Variants in METTL9 observed in about 807,000 individuals in gnomAD.
The protein encoded by METTL9 is methyltransferase 9, His-X-His N1(pi)-histidine.
Under a neutral mutation model 36.0 loss-of-function variants are expected in METTL9, and 10 were observed. That is an observed-to-expected ratio of 0.28 (90% confidence interval 0.17 to 0.47). The LOEUF is 0.47. Ranked by LOEUF, METTL9 falls within the 20% of genes least tolerant of loss-of-function variation. The pLI is 0.99. For missense variants in METTL9, 246 were observed against 383.5 expected (o/e 0.64, Z 3.00); for synonymous variants, 175 against 149.7 (o/e 1.17, Z -1.23).
chr16:21,612,764 A>C lies in METTL9; in HGVS notation c.285A>C (p.Leu95=), dbSNP rs761472396. ...LNNSIEKSGW[L]FIQLYHSFVS... Reference sequence around the variant, plus strand: ...ACAGCATTGAGAAATCGGGCTGGCTATTTATCCAATTATATCATTCTTTTG... The same window carrying C: ...ACAGCATTGAGAAATCGGGCTGGCTCTTTATCCAATTATATCATTCTTTTG... The change falls in exon 2 of 5, where the codon CTA becomes CTC. Residue 95 remains leucine (L), a synonymous_variant. Coordinates refer to ENST00000358154, the MANE Select transcript of METTL9 (RefSeq NM_016025.5). 2 of 1,613,114 alleles carry C rather than the reference A, an allele frequency of 1.2e-6. No homozygotes were observed. The highest frequency in any genetic ancestry group is 3.3e-5 in the Admixed American group (2 of 59,854).
chr16:21,600,966 A>G (rs1965108728), intron 1 of METTL9, among the ~76,000 whole-genome samples: 1 of 152,140 alleles, frequency 6.6e-6, no homozygotes, highest in African/African-American at 2.4e-5. Context: ...GAGAATTTAC[A>G]CCCAGGTTGA....
intron 4 of METTL9, among the ~76,000 whole-genome samples, chr16:21,650,872 G>T (rs1221899681): frequency 6.6e-6 from 1 of 152,162 alleles, no homozygotes; most frequent in Non-Finnish European, 1.5e-5. Context: ...CCAATGAAAA[G>T]GTTGAAGATT....
chr16:21,637,776 C>G (rs1367278791), intron 4 of METTL9, among the ~76,000 whole-genome samples: 1 of 152,252 alleles, frequency 6.6e-6, no homozygotes. Flanking sequence ...GAGAGCCAGT[C>G]CGGCCTCGGC....
Position 21,599,624 on chromosome 16 carries a change from G to T in METTL9, c.-110G>T, listed in dbSNP as rs1965045310. 7.5e-7 allele frequency: 1 copy of T among 1,334,026 alleles called. No individual in the cohort carries two copies. The highest frequency in any genetic ancestry group is 1.9e-5 in the South Asian group (1 of 51,972). 82.6% of individuals were successfully genotyped at this position (1,334,026 alleles called of 1,614,324 possible). ...CTGAAGGGGGCTGGATGGGCAAGGC[G>T]GCCGCGATGGCTCGAGCTCGGGCGG... is the stretch of plus-strand genomic sequence containing the variant. On this transcript the variant is annotated 5_prime_UTR_variant, in exon 1 of 5. Coordinates refer to ENST00000358154, the MANE Select transcript of METTL9 (RefSeq NM_016025.5). This position sits in a 1 kb window ranked among gnomAD's most constrained non-coding sequence, Gnocchi z 4.4.
At chr16:21,597,259 G>C (rs1964966427), upstream of METTL9, 1 of 1,288,892 alleles carries the variant, frequency 7.8e-7, no homozygotes, top group African/African-American at 1.5e-5. Context: ...TTCTTAGATG[G>C]ATCGAAAGAC....
At chr16:21,625,293 T>A in intron 4 of METTL9, 178 bp downstream of exon 4, 1 of 659,552 alleles carries the variant, frequency 1.5e-6, no homozygotes, top group Non-Finnish European at 2.6e-6. Context: ...TAAGGTGGAC[T>A]TTATAGAGGT....
chr16:21,626,809 T>G, intron 4 of METTL9: 1 of 326,846 alleles, frequency 3.1e-6, no homozygotes, highest in Non-Finnish European at 4.4e-6. Flanking sequence ...CCTGGGTTCC[T>G]GTGTCCTGTT....
At chr16:21,628,444 GT>G (rs777788677) in intron 4 of METTL9, among the ~76,000 whole-genome samples, 5 of 152,056 alleles carry the variant, frequency 3.3e-5, no homozygotes, top group Non-Finnish European at 4.4e-5. Flanking sequence ...GCTTAGTAAT[GT>G]TTAAAAACAA....
intron 1 of METTL9, among the ~76,000 whole-genome samples, chr16:21,606,074 C>T (rs758238193): frequency 2.5e-4 from 38 of 152,170 alleles, no homozygotes; most frequent in Admixed American, 1.3e-3. Flanking sequence ...CGGTGGCTCA[C>T]GCCTGTAATC....
upstream of METTL9, chr16:21,599,337 C>A: frequency 1.1e-6 from 1 of 927,658 alleles, no homozygotes; most frequent in Non-Finnish European, 1.3e-6. The surrounding 1 kb of genome is among the most constrained non-coding windows in gnomAD (Gnocchi z 4.4). Context: ...AAAATTAAAA[C>A]CACCTCCGCC....
chr16:21,647,223 T>C, intron 4 of METTL9: 1 of 1,614,186 alleles, frequency 6.2e-7, no homozygotes, highest in African/African-American at 1.3e-5. Flanking sequence ...TAAATTGCAC[T>C]GTCATTTGAA....
intron 4 of METTL9, among the ~76,000 whole-genome samples, chr16:21,630,737 G>C (rs1965937958): frequency 6.6e-6 from 1 of 152,172 alleles, no homozygotes; most frequent in South Asian, 2.1e-4. Context: ...TCTATAGCTT[G>C]ATGGCCTCCA....
chr16:21,617,190 G>A (rs968339441), intron 2 of METTL9, among the ~76,000 whole-genome samples: 10 of 151,872 alleles, frequency 6.6e-5, no homozygotes, highest in African/African-American at 1.5e-4. Flanking sequence ...AGGCAGAGGC[G>A]GGTGGATCAC....
chr16:21,654,219 T>C (rs1333046417), intron 4 of METTL9: 2 of 151,432 alleles, frequency 1.3e-5, no homozygotes, highest in African/African-American at 4.9e-5. Context: ...TTTTTTTGTA[T>C]TTTTTTTAGT....
chr16:21,637,715 G>T (rs796828106), intron 4 of METTL9, among the ~76,000 whole-genome samples: 1 of 152,238 alleles, frequency 6.6e-6, no homozygotes, highest in South Asian at 2.1e-4. Flanking sequence ...CGTGCGCTGC[G>T]CGCAGCCCGG....
At chr16:21,610,921 A>G (rs1450919680) in intron 1 of METTL9, among the ~76,000 whole-genome samples, 2 of 152,204 alleles carry the variant, frequency 1.3e-5, no homozygotes, top group Non-Finnish European at 2.9e-5. Context: ...TACAGAGTTC[A>G]GAACGTGCAC....
At chr16:21,648,288 C>T (rs1262147626) in intron 4 of METTL9, among the ~76,000 whole-genome samples, 1 of 152,108 alleles carries the variant, frequency 6.6e-6, no homozygotes, top group African/African-American at 2.4e-5. Flanking sequence ...CTGCCTGTTC[C>T]CAGCATTATA....
intron 3 of METTL9, among the ~76,000 whole-genome samples, chr16:21,619,587 A>ATTTTTTTTTTTTTTTTTTTT (rs35728063): frequency 4.8e-5 from 6 of 124,222 alleles, no homozygotes; most frequent in Non-Finnish European, 3.3e-5. Flanking sequence ...TGCCCGGCTA[A>ATTTTTTTTTTTTTTTTTTTT]TTTTTTTTTT....
intron 2 of METTL9, among the ~76,000 whole-genome samples, chr16:21,613,396 G>C (rs1459940241): frequency 6.6e-6 from 1 of 151,692 alleles, no homozygotes; most frequent in African/African-American, 2.4e-5. Flanking sequence ...TGGCCAGGCT[G>C]GTCTCTAACT....
Sources: allele counts gnomAD v4.1 joint callset (sites outside exome capture counted in the v4.1 genomes callset), GRCh38; gene constraint gnomAD v4.1.1; non-coding constraint Gnocchi (gnomAD v3.1); transcripts MANE v1.5; gene names NCBI Gene and HGNC (gene_info 2026-07-23, HGNC 2026-07-21).